The following CLGN variants were observed in gnomAD, a reference collection of about 807,000 sequenced individuals.
The protein encoded by CLGN is calmegin, also known as testis tissue sperm-binding protein Li 79P.
A neutral mutation model predicts 79.1 loss-of-function variants in CLGN; 62 were observed. The ratio of observed to expected loss-of-function variants is 0.78; its 90% CI spans 0.64 to 0.97. The LOEUF is 0.97. Ranked by LOEUF, CLGN falls within the 50% of genes least tolerant of loss-of-function variation. The pLI is 0.00. For synonymous variants in CLGN, 225 were observed against 224.7 expected (o/e 1.00, Z -0.01); for missense variants, 647 against 715.5 (o/e 0.90, Z 1.09).
chr4:140,420,206 G>A (rs1729436939), intron 1 of CLGN, among the ~76,000 whole-genome samples: 1 of 152,050 alleles, frequency 6.6e-6, no homozygotes. Flanking sequence ...AAGCCAAGCA[G>A]GTAGTGCTCT....
At position 140,390,718 on chromosome 4, in the gene CLGN, A is replaced by G; in HGVS notation, c.1662T>C (p.Ser554=). 1.9e-6 allele frequency: 3 copies of G among 1,599,712 alleles called. No individual in the cohort carries two copies. Among genetic ancestry groups the G allele is most frequent in the Non-Finnish European group, 2.6e-6 (3 of 1,171,756 alleles). The change falls in exon 14 of 15, where the codon AGT becomes AGC. Residue 554 remains serine (S), a synonymous_variant. Transcript: ENST00000325617. Reference sequence around the variant, plus strand: ...CTTCTTCACTCTTTTCCTCAGGTTCACTTTCCTCTTCTAGAATACAGATTT... The same window carrying G: ...CTTCTTCACTCTTTTCCTCAGGTTCGCTTTCCTCTTCTAGAATACAGATTT... ...DGEMLEKEEE[S]EPEEKSEEEI...
At chr4:140,393,294 A>G (rs1030356401) in intron 11 of CLGN, among the ~76,000 whole-genome samples, 4 of 152,074 alleles carry the variant, frequency 2.6e-5, no homozygotes, top group African/African-American at 7.2e-5. Context: ...ACCAAATGTA[A>G]GGTAAGAATT....
intron 14 of CLGN, 47 bp from the exon 15 acceptor site, chr4:140,389,351 C>T (rs1429295571): frequency 1.5e-6 from 2 of 1,340,316 alleles, no homozygotes; most frequent in Admixed American, 3.4e-5. Context: ...TAACACATAA[C>T]TAGTAGATAG....
rs1364341002 is a variant in CLGN, at chr4:140,392,247, CT to C, written c.1622del (p.Lys541SerfsTer27). 9 of 1,612,720 alleles carry C rather than the reference CT, an allele frequency of 5.6e-6. No homozygotes were observed. Among genetic ancestry groups the C allele is most frequent in the Non-Finnish European group, 4.2e-6 (5 of 1,179,470 alleles). On this transcript the variant is annotated frameshift_variant, in exon 13 of 15. Transcript: ENST00000325617. LOFTEE classifies it high-confidence loss of function. ...EKPMDLEEEK[K>X]QNDGEMLEKE... ...TTTCAAGCATTTCACCATCATTTTG[CT>C]TTTTTTCCTCTTCCAGGTCCATTGG...
chr4:140,413,402 CG>C (rs977931612), intron 1 of CLGN, among the ~76,000 whole-genome samples: 1 of 152,128 alleles, frequency 6.6e-6, no homozygotes, highest in African/African-American at 2.4e-5. Context: ...CCAGTGTGAG[CG>C]ACGCAGAAGA....
In CLGN at chr4:140,399,045, G is replaced by C; in HGVS notation, c.695-5C>G. The C allele has an allele frequency of 1.3e-6, 2 of 1,590,978 alleles. No individual in the cohort carries two copies. Among genetic ancestry groups the C allele is most frequent in the Non-Finnish European group, 1.7e-6 (2 of 1,172,122 alleles). On this transcript the variant is annotated splice_region_variant and splice_polypyrimidine_tract_variant and intron_variant, in intron 7 of 14. Coordinates refer to ENST00000325617, the MANE Select transcript of CLGN (RefSeq NM_004362.3). ...ATGTGTCATCTGGATTCATCACTAA[G>C]GGACCAATTTAAATAAATTATAGTT...
Position 140,413,178 on chromosome 4 carries a change from G to A in CLGN, c.-9-91C>T, listed in dbSNP as rs896968455. The A allele has an allele frequency of 4.3e-6, 4 of 933,978 alleles. No homozygotes were observed. The East Asian group carries it at 1.1e-4, about 25-fold the overall frequency. The allele number at this position is 933,978 out of a possible 1,614,324, so 57.9% of individuals were successfully genotyped here. On this transcript the variant is annotated intron_variant, in intron 1 of 14. Transcript: ENST00000325617. ...AGAAATAAATAATTTCTCCATAATAGCTCCTTTATTCTAGGATGGCTTTTA... is the reference window on the plus strand; with the variant it reads ...AGAAATAAATAATTTCTCCATAATAACTCCTTTATTCTAGGATGGCTTTTA...
intron 7 of CLGN, 84 bp downstream of exon 7, chr4:140,400,273 T>C: frequency 1.0e-6 from 1 of 972,798 alleles, no homozygotes; most frequent in Non-Finnish European, 1.6e-6. Context: ...GGGTACACAT[T>C]TGTTTTCTTG....
chr4:140,402,392 A>G (rs1249520188), intron 5 of CLGN, among the ~76,000 whole-genome samples: 2 of 152,056 alleles, frequency 1.3e-5, no homozygotes, highest in African/African-American at 4.8e-5. Context: ...GGAAATTTCA[A>G]ATTCTGATAA....
At chr4:140,400,743 G>A (rs1728985462) in intron 6 of CLGN, among the ~76,000 whole-genome samples, 194 bp from the exon 7 acceptor site, 1 of 152,032 alleles carries the variant, frequency 6.6e-6, no homozygotes, top group South Asian at 2.1e-4. Flanking sequence ...ATTTTTTTAA[G>A]TACACACTAC....
At chr4:140,408,762 G>T (rs1008977834) in intron 4 of CLGN, among the ~76,000 whole-genome samples, 2 of 151,248 alleles carry the variant, frequency 1.3e-5, no homozygotes, top group Non-Finnish European at 3.0e-5. Flanking sequence ...CAGCATGGAG[G>T]TTTATTAAAA....
At chr4:140,391,306 T>G (rs1728767610) in intron 13 of CLGN, among the ~76,000 whole-genome samples, 1 of 151,718 alleles carries the variant, frequency 6.6e-6, no homozygotes, top group African/African-American at 2.4e-5. Context: ...ACTACGTGTA[T>G]AGATGAAAGT....
chr4:140,390,486 T>A, intron 14 of CLGN, 142 bp downstream of exon 14: 1 of 449,908 alleles, frequency 2.2e-6, no homozygotes, highest in Non-Finnish European at 3.9e-6. Flanking sequence ...CTTATGGATA[T>A]GTTTTAAAAA....
In CLGN at chr4:140,398,994, A is replaced by T; in HGVS notation, c.741T>A (p.Val247=). ...CCTCTAGGAGGCTTCCTTTGTTTAC[A>T]ACTGTTTGATCAACTAACACCTCAA... The part of the protein sequence containing the change: ...DTFEVLVDQT[V]VNKGSLLEDV... Residue 247 remains valine (V), a synonymous_variant, in exon 8 of 15, where the codon GTT becomes GTA. Transcript: ENST00000325617. 1 of 1,613,868 alleles carries T rather than the reference A, an allele frequency of 6.2e-7. No individual in the cohort carries two copies. The highest frequency in any genetic ancestry group is 1.1e-5 in the South Asian group (1 of 91,036).
chr4:140,403,427 A>G (rs983570027), intron 5 of CLGN, among the ~76,000 whole-genome samples: 5 of 152,226 alleles, frequency 3.3e-5, no homozygotes, highest in Admixed American at 6.5e-5. Context: ...CATTTTTTAA[A>G]TAGAGGACAG....
intron 5 of CLGN, among the ~76,000 whole-genome samples, chr4:140,404,862 GC>G (rs1007876141): frequency 2.0e-5 from 3 of 151,722 alleles, no homozygotes; most frequent in Non-Finnish European, 4.4e-5. Flanking sequence ...TTGCCATGTT[GC>G]CAGGTTGGTC....
chr4:140,405,180 T>C (rs1296838074), intron 5 of CLGN, among the ~76,000 whole-genome samples: 1 of 119,448 alleles, frequency 8.4e-6, no homozygotes, highest in Non-Finnish European at 1.7e-5. Flanking sequence ...TTTATTTTTA[T>C]TTTTTTTTTT....
chr4:140,403,416 T>C lies in CLGN; in HGVS notation c.420-1350A>G, dbSNP rs191944887. Among the ~76,000 whole-genome samples, 24 of 152,352 alleles carry C rather than the reference T, an allele frequency of 1.6e-4. No homozygotes were observed. The East Asian group carries it at 4.4e-3, about 28-fold the overall frequency. ...AAGGAAGGTATTCTTTCGTTCTTTTTCATTTTTTAAATAGAGGACAGTTTG... is the reference window on the plus strand; with the variant it reads ...AAGGAAGGTATTCTTTCGTTCTTTTCCATTTTTTAAATAGAGGACAGTTTG... On this transcript the variant is annotated intron_variant, in intron 5 of 14. Coordinates refer to ENST00000325617, the MANE Select transcript of CLGN (RefSeq NM_004362.3).
chr4:140,414,087 C>A (rs375451311), intron 1 of CLGN, among the ~76,000 whole-genome samples: 2 of 152,230 alleles, frequency 1.3e-5, no homozygotes, highest in African/African-American at 2.4e-5. Flanking sequence ...CCAGCAGGGG[C>A]ACACTGACAC....
Sources: allele counts gnomAD v4.1 joint callset (sites outside exome capture counted in the v4.1 genomes callset), GRCh38; gene constraint gnomAD v4.1.1; transcripts MANE v1.5; gene names NCBI Gene and HGNC (gene_info 2026-07-23, HGNC 2026-07-21).